Variants in OTOGL observed in about 807,000 individuals in gnomAD.
OTOGL encodes the protein otogelin like, also known as otogelin-like protein.
Under a neutral mutation model 318.5 loss-of-function variants are expected in OTOGL, and 285 were observed. The observed-to-expected ratio is 0.89, with a 90% CI of 0.81 to 0.99. OTOGL has a LOEUF of 0.99. Ranked by LOEUF, OTOGL falls within the 50% of genes least tolerant of loss-of-function variation. The probability of loss-of-function intolerance (pLI) is 0.00; values close to 1 mark genes in which losing one functional copy is unlikely to be tolerated. For missense variants in OTOGL, 2,899 were observed against 2,845.6 expected (o/e 1.02, Z -0.43); for synonymous variants, 987 against 936.5 (o/e 1.05, Z -0.99).
intron 46 of OTOGL, among the ~76,000 whole-genome samples, chr12:80,354,229 C>T (rs966915848): frequency 3.9e-5 from 6 of 152,272 alleles, no homozygotes; most frequent in Non-Finnish European, 5.9e-5. Flanking sequence ...GGAGTTTCCT[C>T]TTCATATTTT....
At chr12:80,229,139 A>G (rs947720848) in intron 7 of OTOGL, 118 bp from the exon 8 acceptor site, 3 of 1,170,826 alleles carry the variant, frequency 2.6e-6, no homozygotes, top group Non-Finnish European at 3.5e-6. Flanking sequence ...TGTAGTTATA[A>G]CGTTGTAAAG....
At chr12:80,124,976 A>G (rs370127293) in intron 1 of OTOGL, among the ~76,000 whole-genome samples, 4 of 152,232 alleles carry the variant, frequency 2.6e-5, no homozygotes, top group Non-Finnish European at 4.4e-5. Context: ...CAATCATGTC[A>G]TCTGCAAACA....
chr12:80,163,592 A>G (rs1873658263), intron 1 of OTOGL, among the ~76,000 whole-genome samples: 1 of 152,136 alleles, frequency 6.6e-6, no homozygotes, highest in Admixed American at 6.6e-5. Flanking sequence ...CTGCAGGTCA[A>G]TTAAGGATTG....
chr12:80,201,400 G>T (rs972481982), intron 1 of OTOGL, among the ~76,000 whole-genome samples: 1 of 152,086 alleles, frequency 6.6e-6, no homozygotes, highest in African/African-American at 2.4e-5. Flanking sequence ...CACATAGCGA[G>T]AGAGGGAGCA....
chr12:80,256,518 AAAC>A, intron 17 of OTOGL, 58 bp downstream of exon 17: 4 of 1,516,078 alleles, frequency 2.6e-6, no homozygotes, highest in Non-Finnish European at 2.6e-6. Context: ...ACAAACAAAC[AAAC>A]AACACACGCA....
intron 52 of OTOGL, among the ~76,000 whole-genome samples, chr12:80,365,662 C>A (rs576446529): frequency 1.6e-4 from 24 of 152,026 alleles, no homozygotes; most frequent in Non-Finnish European, 2.8e-4. Context: ...TTGGAATTGT[C>A]TAATGACTAA....
At position 80,265,161 on chromosome 12, in the gene OTOGL, C is replaced by T. The variant is rs940673548; in HGVS notation, c.2175C>T (p.Cys725=). The T allele has an allele frequency of 1.8e-5, 29 of 1,613,696 alleles. 1 individual carries two copies. The highest frequency in any genetic ancestry group is 1.6e-4 in the Middle Eastern group (1 of 6,076). ...CTCTTGCCCACTATGCCTACCTCTGCGGCCAGCACGGTGTTCCCATTGATT... is the reference window on the plus strand; with the variant it reads ...CTCTTGCCCACTATGCCTACCTCTGTGGCCAGCACGGTGTTCCCATTGATT... ...CNALAHYAYL[C]GQHGVPIDFR... Residue 725 remains cysteine (C), a synonymous_variant, in exon 20 of 59, where the codon TGC becomes TGT. Coordinates refer to ENST00000547103, the MANE Select transcript of OTOGL (RefSeq NM_001378609.3).
intron 1 of OTOGL, among the ~76,000 whole-genome samples, chr12:80,201,049 T>C (rs1003701200): frequency 2.0e-5 from 3 of 152,274 alleles, no homozygotes; most frequent in Non-Finnish European, 2.9e-5. Context: ...CCTACAGAGA[T>C]GCCACAACCC....
chr12:80,263,559 G>T (rs1882713342), intron 19 of OTOGL, among the ~76,000 whole-genome samples: 1 of 151,898 alleles, frequency 6.6e-6, no homozygotes. Context: ...TATTTGCCTT[G>T]TCTTTGAAAA....
chr12:80,122,739 G>A (rs1420461061), intron 1 of OTOGL, among the ~76,000 whole-genome samples: 1 of 152,108 alleles, frequency 6.6e-6, no homozygotes, highest in Non-Finnish European at 1.5e-5. Flanking sequence ...TATGGAAACA[G>A]TATGCAAACA....
At position 80,217,589 on chromosome 12, in the gene OTOGL, C is replaced by G; in HGVS notation, c.169-9C>G. On this transcript the variant is annotated splice_polypyrimidine_tract_variant and intron_variant, in intron 4 of 58. Transcript: ENST00000547103. ...AACTGTATTGCATTCTCATTTCTTT[C>G]TTTCAAAGTTTGAAGCTACTTCTCC... 2 of 1,514,390 alleles carry G rather than the reference C, an allele frequency of 1.3e-6. No individual in the cohort carries two copies. Among genetic ancestry groups the G allele is most frequent in the Non-Finnish European group, 1.8e-6 (2 of 1,118,574 alleles). The allele number at this position is 1,514,390 out of a possible 1,614,324, so 93.8% of individuals were successfully genotyped here.
At chr12:80,315,791 A>G (rs1680606510) in intron 32 of OTOGL, among the ~76,000 whole-genome samples, 1 of 152,226 alleles carries the variant, frequency 6.6e-6, no homozygotes, top group African/African-American at 2.4e-5. Context: ...GGAAAATTCA[A>G]CATTAAAAAA....
chr12:80,111,346 G>A (rs1869825933), intron 1 of OTOGL, among the ~76,000 whole-genome samples: 1 of 152,148 alleles, frequency 6.6e-6, no homozygotes, highest in Non-Finnish European at 1.5e-5. Context: ...GAATGGTATT[G>A]CTTAGGTTTT....
intron 7 of OTOGL, among the ~76,000 whole-genome samples, chr12:80,223,271 A>T (rs1331526162): frequency 2.6e-5 from 4 of 151,596 alleles, no homozygotes; most frequent in African/African-American, 9.7e-5. Context: ...ATGTATATAT[A>T]TGTATATATA....
chr12:80,124,674 A>G (rs948928118), intron 1 of OTOGL, among the ~76,000 whole-genome samples: 39 of 152,262 alleles, frequency 2.6e-4, no homozygotes, highest in African/African-American at 8.9e-4. Flanking sequence ...CCATGAGCAT[A>G]GAATGTTCTT....
chr12:80,104,825 T>C (rs1168083225), intron 1 of OTOGL, among the ~76,000 whole-genome samples: 1 of 152,212 alleles, frequency 6.6e-6, no homozygotes, highest in East Asian at 1.9e-4. Context: ...CCTGGCACGG[T>C]GGCTCATGCC....
At chr12:80,249,292 G>T (rs1881237902) in intron 11 of OTOGL, among the ~76,000 whole-genome samples, 1 of 151,254 alleles carries the variant, frequency 6.6e-6, no homozygotes, top group Non-Finnish European at 1.5e-5. Flanking sequence ...CCATCTTTGT[G>T]GTTTTATCTA....
chr12:80,196,388 A>T (rs920116431), intron 1 of OTOGL, among the ~76,000 whole-genome samples: 1 of 152,222 alleles, frequency 6.6e-6, no homozygotes, highest in African/African-American at 2.4e-5. Flanking sequence ...TCTCAGATTT[A>T]TTAACGCTAC....
Position 80,336,951 on chromosome 12 carries a change from T to C in OTOGL, c.4807T>C (p.Leu1603=). Residue 1603 remains leucine (L), a synonymous_variant, in exon 42 of 59, where the codon TTA becomes CTA. Transcript: ENST00000547103. ...AATCTCTGGACTTTGTTTTAAGAAG[T>C]TAAATGTGACAACACCCATACATAA... The part of the protein sequence containing the change: ...GRISGLCFKK[L]NVTTPIHKII... 1 of 1,596,130 alleles carries C rather than the reference T, an allele frequency of 6.3e-7. No homozygotes were observed. Among genetic ancestry groups the C allele is most frequent in the Non-Finnish European group, 8.5e-7 (1 of 1,170,214 alleles).
Sources: allele counts gnomAD v4.1 joint callset (sites outside exome capture counted in the v4.1 genomes callset), GRCh38; gene constraint gnomAD v4.1.1; transcripts MANE v1.5; gene names NCBI Gene and HGNC (gene_info 2026-07-23, HGNC 2026-07-21).